ATG16L1: variants seen among roughly 807,000 people sequenced by gnomAD.
ATG16L1 encodes autophagy-related protein 16-1.
Under a neutral mutation model 88.5 loss-of-function variants are expected in ATG16L1, and 37 were observed. That is an observed-to-expected ratio of 0.42 (90% CI 0.32 to 0.55). ATG16L1 has a LOEUF of 0.55. Among genes scored for constraint, ATG16L1 ranks in the 20% least tolerant of loss-of-function variants. ATG16L1 has a pLI of 0.13. For synonymous variants in ATG16L1, 301 were observed against 281.0 expected, an observed-to-expected ratio of 1.07 and a Z score of -0.71; for missense variants, 554 against 752.8, an observed-to-expected ratio of 0.74 and a Z score of 3.09.
chr2:233,255,605 C>G (rs1696723512), intron 1 of ATG16L1, among the ~76,000 whole-genome samples: 1 of 152,194 alleles, frequency 6.6e-6, no homozygotes, highest in Non-Finnish European at 1.5e-5. Flanking sequence ...CCAAAAGACT[C>G]TGTTATTCCT....
At position 233,282,879 on chromosome 2, in the gene ATG16L1, C is replaced by T. The variant is rs2125274921; in HGVS notation, c.1203+126C>T. On this transcript the variant is annotated intron_variant, in intron 12 of 17. Coordinates refer to ENST00000392017, the MANE Select transcript of ATG16L1 (RefSeq NM_030803.7). ...AAAATCATGCTTGATTCACCCTGCC[C>T]TTCCTTTCCTCCTTGGGGAAATCTG... 4.0e-6 allele frequency: 3 copies of T among 759,154 alleles called. No homozygotes were observed. The South Asian group carries it at 4.9e-5, about 12-fold the overall frequency. The allele number at this position is 759,154 out of a possible 1,614,324, so 47.0% of individuals were successfully genotyped here.
intron 14 of ATG16L1, among the ~76,000 whole-genome samples, chr2:233,290,876 G>T (rs1699416896): frequency 6.6e-6 from 1 of 152,198 alleles, no homozygotes; most frequent in South Asian, 2.1e-4. Flanking sequence ...GTTGCCACAG[G>T]CTTGATAAGC....
In ATG16L1 at chr2:233,290,298, G is replaced by C. The variant is rs775091499; in HGVS notation, c.1375G>C (p.Glu459Gln). The C allele has an allele frequency of 6.2e-7, 1 of 1,614,202 alleles. No homozygotes were observed. The highest frequency in any genetic ancestry group is 8.5e-7 in the Non-Finnish European group (1 of 1,180,044). ...GSSCNDIVCT[E>Q]QCVMSGHFDK... ...CAGTTGCAATGATATTGTCTGCACA[G>C]AGCAATGTGTAATGAGTGGACATTT... The change falls in exon 14 of 18, where the codon GAG becomes CAG. Residue 459 changes from glutamate (E) to glutamine (Q), a missense_variant. By Grantham distance (29) the Glu-to-Gln change is conservative. Around this residue, in one of 5 missense-constraint regions of ATG16L1, gnomAD observed 370 missense variants for 509.7 expected, o/e 0.73. Transcript: ENST00000392017.
At chr2:233,271,024 A>T (rs776504320) in intron 6 of ATG16L1, among the ~76,000 whole-genome samples, 3 of 152,330 alleles carry the variant, frequency 2.0e-5, no homozygotes, top group Non-Finnish European at 4.4e-5. Context: ...TTAGATATGT[A>T]GGGTACGTGT....
intron 2 of ATG16L1, 147 bp downstream of exon 2, chr2:233,256,342 A>G (rs577353294): frequency 1.0e-5 from 7 of 693,102 alleles, no homozygotes; most frequent in Admixed American, 5.6e-5. Flanking sequence ...AACTAAAACC[A>G]TGTAATTACA....
rs570754671 is a variant in ATG16L1, at chr2:233,253,332, G to GTTTTTTTTTT, written c.115+1397_115+1398insTTTTTTTTTT. Among the ~76,000 whole-genome samples, 55 of 112,894 alleles carry GTTTTTTTTTT rather than the reference G, an allele frequency of 4.9e-4. 5 individuals carry two copies. The highest frequency in any genetic ancestry group is 1.3e-3 in the African/African-American group (40 of 30,112). 74.1% of individuals were successfully genotyped at this position (112,894 alleles called of 152,430 possible). On this transcript the variant is annotated intron_variant, in intron 1 of 17. Transcript: ENST00000392017. ...CACAGCAGGTTAATGGTGAGACTGG[G>GTTTTTTTTTT]TTTTTTTGTTTTTTTTTTTTTTTTT...
intron 13 of ATG16L1, 117 bp downstream of exon 13, chr2:233,290,091 A>G (rs1281464233): frequency 9.7e-6 from 15 of 1,544,670 alleles, no homozygotes; most frequent in Admixed American, 5.2e-5. Context: ...ATCTGGCTTC[A>G]TGTTTAGAGG....
At chr2:233,279,132 C>A (rs902988326) in intron 10 of ATG16L1, among the ~76,000 whole-genome samples, 20 of 152,242 alleles carry the variant, frequency 1.3e-4, no homozygotes, top group African/African-American at 4.8e-4. Flanking sequence ...GAGCTCTGAT[C>A]GCATCACTGC....
intron 2 of ATG16L1, among the ~76,000 whole-genome samples, chr2:233,262,690 C>T (rs1310725329): frequency 6.6e-6 from 1 of 152,188 alleles, no homozygotes; most frequent in Non-Finnish European, 1.5e-5. Flanking sequence ...AGGACCCCCT[C>T]CCTCTGTTCC....
In ATG16L1 at chr2:233,251,732, G is replaced by A; in HGVS notation, c.-96G>A. 3 of 1,138,486 alleles carry A rather than the reference G, an allele frequency of 2.6e-6. No homozygotes were observed. The highest frequency in any genetic ancestry group is 3.8e-6 in the Non-Finnish European group (3 of 782,354). 70.5% of individuals were successfully genotyped at this position (1,138,486 alleles called of 1,614,324 possible). On this transcript the variant is annotated 5_prime_UTR_variant, in exon 1 of 18. Transcript: ENST00000392017. ...TGTGGAGGTGAGCTCCGGGATTGCC[G>A]GCATTCCCGCTTCTGCTGGTTGCTT...
chr2:233,258,039 A>G lies in ATG16L1; in HGVS notation c.209+1844A>G, dbSNP rs564389374. Among the ~76,000 whole-genome samples the G allele has an allele frequency of 1.2e-3, 179 of 150,882 alleles. 1 individual carries two copies. The highest frequency in any genetic ancestry group is 4.0e-3 in the African/African-American group (164 of 41,082). The stretch of plus-strand genomic sequence containing the variant: ...AAAATATCTATATATCTATATATCT[A>G]TATATCTATATCTATCTCTTGGTGT... On this transcript the variant is annotated intron_variant, in intron 2 of 17. Coordinates refer to ENST00000392017, the MANE Select transcript of ATG16L1 (RefSeq NM_030803.7).
intron 2 of ATG16L1, among the ~76,000 whole-genome samples, chr2:233,257,115 C>T (rs1457602447): frequency 2.0e-5 from 3 of 149,804 alleles, no homozygotes; most frequent in Non-Finnish European, 4.4e-5. Flanking sequence ...GTGCAAGCTC[C>T]GCCTCCTGGG....
chr2:233,289,377 A>ATGTGTGTGTGTGTGTGTGTGTGTGTG (rs56993445), intron 12 of ATG16L1, among the ~76,000 whole-genome samples: 1,384 of 129,044 alleles, frequency 0.011, 34 homozygotes, highest in Non-Finnish European at 0.014. Context: ...CCTGTTTGGG[A>ATGTGTGTGTGTGTGTGTGTGTGTGTG]TGTGTGTGTG....
chr2:233,292,515 C>G, intron 16 of ATG16L1, 81 bp downstream of exon 16: 1 of 1,576,278 alleles, frequency 6.3e-7, no homozygotes, highest in South Asian at 1.1e-5. Context: ...GGATATAGAG[C>G]TAAATTTTGT....
intron 6 of ATG16L1, among the ~76,000 whole-genome samples, chr2:233,271,872 C>T (rs772128384): frequency 1.3e-5 from 2 of 152,228 alleles, no homozygotes; most frequent in Admixed American, 6.5e-5. Context: ...TAAAGCACAG[C>T]CTTGTCCTTT....
intron 6 of ATG16L1, among the ~76,000 whole-genome samples, chr2:233,270,680 T>TA (rs1697935352): frequency 6.6e-6 from 1 of 152,230 alleles, no homozygotes; most frequent in Non-Finnish European, 1.5e-5. Flanking sequence ...GTTTGTAACT[T>TA]AAAGTGGAAA....
chr2:233,282,091 C>G (rs1473270082), intron 11 of ATG16L1, among the ~76,000 whole-genome samples: 1 of 152,180 alleles, frequency 6.6e-6, no homozygotes, highest in Non-Finnish European at 1.5e-5. Flanking sequence ...AAGGTTTAGA[C>G]TTTTGTAAAG....
At position 233,293,295 on chromosome 2, in the gene ATG16L1, C is replaced by T. The variant is rs770791612; in HGVS notation, c.1668C>T (p.Gly556=). ...GSYVAAGSAE[G]SLYIWSVLTG... Reference sequence around the variant, plus strand: ...ACGTGGCGGCAGGCTCTGCTGAGGGCTCTCTGTATATCTGGAGTGTGCTCA... The same window carrying T: ...ACGTGGCGGCAGGCTCTGCTGAGGGTTCTCTGTATATCTGGAGTGTGCTCA... The change falls in exon 17 of 18, where the codon GGC becomes GGT. Residue 556 remains glycine (G), a synonymous_variant. Transcript: ENST00000392017. 2 of 1,614,178 alleles carry T rather than the reference C, an allele frequency of 1.2e-6. No individual in the cohort carries two copies. Among genetic ancestry groups the T allele is most frequent in the South Asian group, 2.2e-5 (2 of 91,076 alleles).
At chr2:233,288,063 C>T (rs1215235478) in intron 12 of ATG16L1, among the ~76,000 whole-genome samples, 1 of 151,946 alleles carries the variant, frequency 6.6e-6, no homozygotes, top group East Asian at 1.9e-4. Flanking sequence ...TTCACACAAC[C>T]GCAGCACAGC....
Sources: gnomAD v4.1 joint callset for allele counts (sites outside exome capture counted in the v4.1 genomes callset) on GRCh38, gnomAD v4.1.1 for gene constraint, gnomAD v4.1.1 regional missense constraint, MANE v1.5 for transcripts, NCBI Gene and HGNC (gene_info 2026-07-23, HGNC 2026-07-21) for gene names.